Variants in ADCY2 observed in about 807,000 individuals in gnomAD.
The protein encoded by ADCY2 is adenylate cyclase type 2.
Under a neutral mutation model 125.2 loss-of-function variants are expected in ADCY2, and 31 were observed. The observed-to-expected ratio is 0.25, with a 90% confidence interval of 0.19 to 0.33. The LOEUF (loss-of-function observed/expected upper bound fraction) is 0.33, where lower values mean the gene tolerates loss of function less well. ADCY2 is among the 10% of genes least tolerant of loss of function. The pLI is 1.00. For synonymous variants in ADCY2, 512 were observed against 548.4 expected, an observed-to-expected ratio of 0.93 and a Z score of 0.93; for missense variants, 904 against 1,418.2, an observed-to-expected ratio of 0.64 and a Z score of 5.82.
At chr5:7,729,400 T>C (rs1742027719) in intron 14 of ADCY2, among the ~76,000 whole-genome samples, 1 of 152,104 alleles carries the variant, frequency 6.6e-6, no homozygotes, top group Non-Finnish European at 1.5e-5. Flanking sequence ...CTGTTTTTAT[T>C]TTGGTTTTAT....
At chr5:7,762,442 C>G (rs574349636) in intron 16 of ADCY2, among the ~76,000 whole-genome samples, 178 of 152,310 alleles carry the variant, frequency 1.2e-3, no homozygotes, top group African/African-American at 4.0e-3. Context: ...AGGCAGTGCC[C>G]GGGGCCACAC....
chr5:7,442,746 A>G (rs1057199367), intron 2 of ADCY2, among the ~76,000 whole-genome samples: 5 of 152,220 alleles, frequency 3.3e-5, no homozygotes, highest in African/African-American at 1.2e-4. Flanking sequence ...ATCTGAAATG[A>G]AACTTGAATA....
intron 2 of ADCY2, among the ~76,000 whole-genome samples, chr5:7,502,450 C>T (rs1302815066): frequency 6.6e-6 from 1 of 152,192 alleles, no homozygotes; most frequent in African/African-American, 2.4e-5. Flanking sequence ...ACCTCTTACT[C>T]CCACCGTGGA....
intron 2 of ADCY2, among the ~76,000 whole-genome samples, chr5:7,458,204 G>T (rs547077568): frequency 3.9e-5 from 6 of 152,084 alleles, no homozygotes; most frequent in Non-Finnish European, 7.4e-5. Flanking sequence ...AACAGAAAAA[G>T]AGTGGGAAAA....
At chr5:7,507,123 C>A (rs927212418) in intron 2 of ADCY2, among the ~76,000 whole-genome samples, 3 of 151,206 alleles carry the variant, frequency 2.0e-5, no homozygotes, top group African/African-American at 7.3e-5. Flanking sequence ...CAGTGCACAT[C>A]GAAAGGGAGC....
chr5:7,499,633 A>G (rs2126500713), intron 2 of ADCY2, among the ~76,000 whole-genome samples: 1 of 141,518 alleles, frequency 7.1e-6, no homozygotes, highest in East Asian at 2.1e-4. Context: ...CTAAAGAAGT[A>G]CATATATGTG....
chr5:7,564,610 T>C (rs1735827293), intron 3 of ADCY2, among the ~76,000 whole-genome samples: 1 of 152,160 alleles, frequency 6.6e-6, no homozygotes, highest in Admixed American at 6.6e-5. Flanking sequence ...AGCCTACTTC[T>C]GCAAACTCAA....
intron 20 of ADCY2, chr5:7,797,988 C>T (rs1228775653): frequency 6.6e-6 from 1 of 152,428 alleles, no homozygotes; most frequent in Admixed American, 6.5e-5. Context: ...GGCATCTGGG[C>T]ACACAGGGTG....
chr5:7,766,416 G>A (rs534287093), intron 16 of ADCY2, among the ~76,000 whole-genome samples: 3 of 152,260 alleles, frequency 2.0e-5, no homozygotes, highest in South Asian at 2.1e-4. Context: ...TTCTAACCAC[G>A]CCCTCTGCCC....
chr5:7,804,095 A>G (rs1352264946), intron 21 of ADCY2, among the ~76,000 whole-genome samples: 2 of 117,018 alleles, frequency 1.7e-5, no homozygotes, highest in African/African-American at 6.2e-5. Context: ...TTCCTAATAC[A>G]TATATTAGGC....
At chr5:7,663,237 A>G (rs1346092702) in intron 4 of ADCY2, among the ~76,000 whole-genome samples, 2 of 152,376 alleles carry the variant, frequency 1.3e-5, no homozygotes, top group East Asian at 3.9e-4. Context: ...ACACCAAAAA[A>G]AAGGAAGAAA....
chr5:7,538,471 G>A (rs1734892368), intron 3 of ADCY2, among the ~76,000 whole-genome samples: 1 of 152,040 alleles, frequency 6.6e-6, no homozygotes, highest in African/African-American at 2.4e-5. Flanking sequence ...ATTAGGTTAT[G>A]GCTTTCTTTC....
intron 2 of ADCY2, among the ~76,000 whole-genome samples, chr5:7,501,763 A>G (rs1743603198): frequency 6.7e-6 from 1 of 149,656 alleles, no homozygotes; most frequent in Admixed American, 6.8e-5. Context: ...GTCCACCTTC[A>G]GCCTTGGTTG....
At chr5:7,495,876 AAGG>A (rs1228650663) in intron 2 of ADCY2, among the ~76,000 whole-genome samples, 1 of 152,234 alleles carries the variant, frequency 6.6e-6, no homozygotes, top group Admixed American at 6.5e-5. Flanking sequence ...ATTTTAGAAA[AAGG>A]AGTAATCACG....
chr5:7,688,496 C>T (rs952265198), intron 4 of ADCY2, among the ~76,000 whole-genome samples: 8 of 151,906 alleles, frequency 5.3e-5, no homozygotes, highest in Admixed American at 2.0e-4. Context: ...CTCAAACTCC[C>T]GACCTCAGGT....
At chr5:7,615,758 G>A (rs987462481) in intron 3 of ADCY2, among the ~76,000 whole-genome samples, 5 of 152,102 alleles carry the variant, frequency 3.3e-5, no homozygotes, top group African/African-American at 1.2e-4. Flanking sequence ...AGATCATGCA[G>A]CATTCCTTTG....
intron 19 of ADCY2, 39 bp downstream of exon 19, chr5:7,784,488 CTAAAGTGCTGTA>C: frequency 6.8e-7 from 1 of 1,466,084 alleles, no homozygotes; most frequent in Admixed American, 1.7e-5. Flanking sequence ...TATACCTTCT[CTAAAGTGCTGTA>C]TTAATAGTGC....
At position 7,727,721 on chromosome 5, in the gene ADCY2, T is replaced by C. The variant is rs952623207; in HGVS notation, c.1871+460T>C. Among the ~76,000 whole-genome samples the C allele has an allele frequency of 6.6e-5, 10 of 152,058 alleles. No individual in the cohort carries two copies. In the East Asian group the frequency reaches 2.0e-3, roughly 30 times the overall value. On this transcript the variant is annotated intron_variant, in intron 14 of 24. Coordinates refer to ENST00000338316, the MANE Select transcript of ADCY2 (RefSeq NM_020546.3). Reference sequence around the variant, plus strand: ...CTGTGTGTTACACGGCCCTCTCTTCTCTGAAATCCACTCTGCAGCCGTCTT... The same window carrying C: ...CTGTGTGTTACACGGCCCTCTCTTCCCTGAAATCCACTCTGCAGCCGTCTT...
At chr5:7,543,087 T>G (rs1360103657) in intron 3 of ADCY2, among the ~76,000 whole-genome samples, 1 of 152,208 alleles carries the variant, frequency 6.6e-6, no homozygotes, top group Non-Finnish European at 1.5e-5. Flanking sequence ...CATTAATACA[T>G]CCTATGTTAT....
Sources: gnomAD v4.1 joint callset for allele counts (sites outside exome capture counted in the v4.1 genomes callset) on GRCh38, gnomAD v4.1.1 for gene constraint, MANE v1.5 for transcripts, NCBI Gene and HGNC (gene_info 2026-07-23, HGNC 2026-07-21) for gene names.